Variants in CCDC88B observed in about 807,000 individuals in gnomAD.
The protein encoded by CCDC88B is coiled-coil domain-containing protein 88B.
Under a neutral mutation model 183.7 loss-of-function variants are expected in CCDC88B, and 138 were observed. That is an observed-to-expected ratio of 0.75 (90% CI 0.65 to 0.87). The LOEUF is 0.87. Ranked by LOEUF, CCDC88B falls within the 40% of genes least tolerant of loss-of-function variation. The probability of loss-of-function intolerance (pLI) is 0.00; values close to 1 mark genes in which losing one functional copy is unlikely to be tolerated. For missense variants in CCDC88B, 1,822 were observed against 1,965.6 expected (o/e 0.93, Z 1.38); for synonymous variants, 835 against 867.5 (o/e 0.96, Z 0.66).
At chr11:64,350,863 C>G (rs1429092321) in intron 16 of CCDC88B, among the ~76,000 whole-genome samples, 3 of 152,196 alleles carry the variant, frequency 2.0e-5, no homozygotes, top group East Asian at 3.8e-4. Flanking sequence ...GAGTGAGACT[C>G]TGTCTCAAAA....
At position 64,355,347 on chromosome 11, in the gene CCDC88B, G is replaced by A. The variant is rs760892212; in HGVS notation, c.4253G>A (p.Arg1418Gln). ...SFSPGDTPRQ[R>Q]FRQRHPGPLG... is the part of the protein sequence containing the mutation. ...AGCCCTGGGGACACCCCTAGGCAAC[G>A]ATTCCGACAGCGCCATCCAGGCCCC... The change falls in exon 25 of 27, where the codon CGA becomes CAA. Residue 1418 changes from arginine (R) to glutamine (Q), a missense_variant. Physicochemically the swap from Arg to Gln is conservative, Grantham distance 43. Coordinates refer to ENST00000356786, the MANE Select transcript of CCDC88B (RefSeq NM_032251.6). 1.9e-6 allele frequency: 3 copies of A among 1,592,674 alleles called. No individual in the cohort carries two copies. The highest frequency in any genetic ancestry group is 1.3e-5 in the African/African-American group (1 of 74,204).
chr11:64,352,278 A>G lies in CCDC88B; in HGVS notation c.3248A>G (p.Gln1083Arg). 6.3e-7 allele frequency: 1 copy of G among 1,589,660 alleles called. No homozygotes were observed. Among genetic ancestry groups the G allele is most frequent in the Non-Finnish European group, 8.6e-7 (1 of 1,168,630 alleles). ...ALLRDHKALA[Q>R]LQRRQEAELE... The stretch of plus-strand genomic sequence containing the variant: ...CTTCGGGACCACAAGGCCCTGGCAC[A>G]GCTGCAGCGGCGGCAGGAGGCCGAG... Residue 1083 changes from glutamine to arginine, a missense_variant, in exon 19 of 27, where the codon CAG (glutamine) becomes CGG (arginine). Physicochemically the swap from Gln to Arg is conservative, Grantham distance 43 (BLOSUM62 1). Transcript: ENST00000356786.
intron 14 of CCDC88B, among the ~76,000 whole-genome samples, chr11:64,346,642 A>G (rs372229275): frequency 1.3e-5 from 2 of 151,658 alleles, no homozygotes; most frequent in Non-Finnish European, 2.9e-5. Flanking sequence ...GGGTTTCACC[A>G]TGTTAGCCAG....
chr11:64,345,050 G>T lies in CCDC88B; in HGVS notation c.2509G>T (p.Ala837Ser), dbSNP rs752364612. 3.2e-6 allele frequency: 5 copies of T among 1,548,954 alleles called. No homozygotes were observed. In the South Asian group the frequency reaches 5.9e-5, roughly 18 times the overall value. Reference sequence around the variant, plus strand: ...GGAGCGTGAGGGGTCCAGGCTGCGGGCCCAGTCGGAGGCCGCCGAGGAACG... The same window carrying T: ...GGAGCGTGAGGGGTCCAGGCTGCGGTCCCAGTCGGAGGCCGCCGAGGAACG... ...QWEREGSRLRAQSEAAEERMQ... is the reference protein window; with the variant it reads ...QWEREGSRLRSQSEAAEERMQ... Residue 837 changes from alanine to serine, a missense_variant, in exon 14 of 27, where the codon GCC becomes TCC. Coordinates refer to ENST00000356786, the MANE Select transcript of CCDC88B (RefSeq NM_032251.6).
intron 26 of CCDC88B, chr11:64,356,784 G>C (rs1473853483): frequency 2.0e-6 from 1 of 495,742 alleles, no homozygotes; most frequent in East Asian, 3.1e-5. Context: ...TTAGTAACTG[G>C]GGTGCTGGGG....
Position 64,355,338 on chromosome 11 carries a change from C to T in CCDC88B, c.4244C>T (p.Pro1415Leu). Residue 1415 changes from proline (P) to leucine (L), a missense_variant, in exon 25 of 27, where the codon CCT becomes CTT. Transcript: ENST00000356786. Reference sequence around the variant, plus strand: ...GAGTCATTCAGCCCTGGGGACACCCCTAGGCAACGATTCCGACAGCGCCAT... The same window carrying T: ...GAGTCATTCAGCCCTGGGGACACCCTTAGGCAACGATTCCGACAGCGCCAT... ...SSESFSPGDTPRQRFRQRHPG... is the reference protein window; with the variant it reads ...SSESFSPGDTLRQRFRQRHPG... The T allele has an allele frequency of 6.3e-7, 1 of 1,594,596 alleles. No individual in the cohort carries two copies.
intron 9 of CCDC88B, 66 bp downstream of exon 9, chr11:64,342,441 C>T: frequency 6.5e-7 from 1 of 1,544,908 alleles, no homozygotes; most frequent in Non-Finnish European, 8.7e-7. Context: ...CCCATTGCCT[C>T]CCTCCCAACC....
chr11:64,352,068 C>G (rs1214519473), intron 18 of CCDC88B, 62 bp from the exon 19 acceptor site: 1 of 1,514,218 alleles, frequency 6.6e-7, no homozygotes, highest in Admixed American at 2.2e-5. Flanking sequence ...CCCCCCGCCT[C>G]TCACTCGATT....
At chr11:64,341,789 A>G (rs1219249908) in intron 7 of CCDC88B, 47 bp downstream of exon 7, 1 of 1,537,286 alleles carries the variant, frequency 6.5e-7, no homozygotes, top group Non-Finnish European at 8.7e-7. Flanking sequence ...GAACTGGAGG[A>G]CCATCAGGGA....
intron 14 of CCDC88B, among the ~76,000 whole-genome samples, chr11:64,348,166 G>A (rs1177328643): frequency 1.3e-5 from 2 of 151,976 alleles, no homozygotes; most frequent in Non-Finnish European, 2.9e-5. Context: ...CCATGGGAGG[G>A]AATGGCAGCA....
chr11:64,349,450 G>A lies in CCDC88B; in HGVS notation c.2736G>A (p.Gln912=), dbSNP rs148094628. ...AATTTCTGCGAGAAAAGGAAAGCCA[G>A]CACCAGAGGTGGGGACAGGGCTGAG... ...RQEFLREKES[Q]HQRYQGLEQR... The change falls in exon 15 of 27, where the codon CAG becomes CAA. Residue 912 remains glutamine (Q), a synonymous_variant. Coordinates refer to ENST00000356786, the MANE Select transcript of CCDC88B (RefSeq NM_032251.6). 3.1e-5 allele frequency: 45 copies of A among 1,431,828 alleles called. No individual in the cohort carries two copies. Among genetic ancestry groups the A allele is most frequent in the Non-Finnish European group, 4.1e-5 (44 of 1,067,602 alleles). 88.7% of individuals were successfully genotyped at this position (1,431,828 alleles called of 1,614,324 possible). A position where few individuals can be genotyped will look rare whatever the true frequency, so the allele number is the denominator to read the frequency against.
At chr11:64,341,070 C>T in intron 3 of CCDC88B, 39 bp from the exon 4 acceptor site, 1 of 1,613,874 alleles carries the variant, frequency 6.2e-7, no homozygotes, top group Non-Finnish European at 8.5e-7. Flanking sequence ...GGAGCCCCTT[C>T]GGGAAGGCGC....
In CCDC88B at chr11:64,342,325, C is replaced by T; in HGVS notation, c.853C>T (p.Gln285Ter). 1.3e-6 allele frequency: 2 copies of T among 1,594,898 alleles called. No homozygotes were observed. Among genetic ancestry groups the T allele is most frequent in the Admixed American group, 1.8e-5 (1 of 57,010 alleles). Residue 285 changes from glutamine (Q) to a stop codon, truncating the protein, a stop_gained, in exon 9 of 27, where the codon CAG becomes TAG. Coordinates refer to ENST00000356786, the MANE Select transcript of CCDC88B (RefSeq NM_032251.6). LOFTEE classifies it high-confidence loss of function. ...GAAGGCCGAGCTGCTGCTAGACTCC[C>T]AGGCCGAGGTGCAGGGTTTGGAGGC... is the stretch of plus-strand genomic sequence containing the variant. ...EEKAELLLDS[Q>*]AEVQGLEAEI... is the part of the protein sequence containing the mutation.
At chr11:64,349,203 C>T in intron 14 of CCDC88B, 128 bp from the exon 15 acceptor site, 1 of 1,127,870 alleles carries the variant, frequency 8.9e-7, no homozygotes, top group South Asian at 1.5e-5. Flanking sequence ...GAAGTAGAGC[C>T]CAAAGGCTTA....
At chr11:64,340,351 TGGGGA>T (rs2035780076) in intron 1 of CCDC88B, 25 bp downstream of exon 1, 2 of 1,271,180 alleles carry the variant, frequency 1.6e-6, no homozygotes, top group East Asian at 6.2e-5. Context: ...GGCAGCGGGT[TGGGGA>T]GGGGAAGTGA....
In CCDC88B at chr11:64,344,964, C is replaced by A; in HGVS notation, c.2423C>A (p.Ser808Tyr). 2.6e-6 allele frequency: 4 copies of A among 1,550,950 alleles called. No individual in the cohort carries two copies. In the East Asian group the frequency reaches 9.6e-5, roughly 37 times the overall value. Residue 808 changes from serine (S) to tyrosine (Y), a missense_variant, in exon 14 of 27, where the codon TCC (serine) becomes TAC (tyrosine). Ser to Tyr is a moderately radical substitution (Grantham distance 144). Coordinates refer to ENST00000356786, the MANE Select transcript of CCDC88B (RefSeq NM_032251.6). This position sits in a 1 kb window ranked among gnomAD's most constrained non-coding sequence, Gnocchi z 4.5. Reference sequence around the variant, plus strand: ...GCTGGCCAGGAGCTGGAGTCTGCGTCCCAGGAACGGGAGGCGCTGGTGGAG... The same window carrying A: ...GCTGGCCAGGAGCTGGAGTCTGCGTACCAGGAACGGGAGGCGCTGGTGGAG... ...EAAGQELESA[S>Y]QEREALVEAL...
intron 14 of CCDC88B, among the ~76,000 whole-genome samples, chr11:64,346,747 G>T (rs1399176847): frequency 6.8e-6 from 1 of 146,570 alleles, no homozygotes; most frequent in African/African-American, 2.5e-5. Context: ...GCCAATTTTT[G>T]TATTTTTAGT....
chr11:64,349,248 A>C, intron 14 of CCDC88B, 83 bp from the exon 15 acceptor site: 1 of 1,460,170 alleles, frequency 6.8e-7, no homozygotes, highest in Non-Finnish European at 9.1e-7. Context: ...TCAAGGACAG[A>C]AAGGCAGCTC....
At chr11:64,347,789 A>AG (rs1201558467) in intron 14 of CCDC88B, among the ~76,000 whole-genome samples, 5 of 152,072 alleles carry the variant, frequency 3.3e-5, no homozygotes, top group East Asian at 1.9e-4. Flanking sequence ...AGTGGCTCAC[A>AG]CCTGTAATCC....
Sources: allele counts gnomAD v4.1 joint callset (sites outside exome capture counted in the v4.1 genomes callset), GRCh38; gene constraint gnomAD v4.1.1; non-coding constraint Gnocchi (gnomAD v3.1); transcripts MANE v1.5; gene names NCBI Gene and HGNC (gene_info 2026-07-23, HGNC 2026-07-21).